RASA2: variants seen among roughly 807,000 people sequenced by gnomAD.
RASA2 encodes RAS p21 protein activator 2.
Under a neutral mutation model 118.2 loss-of-function variants are expected in RASA2, and 155 were observed. The observed-to-expected ratio is 1.31, with a 90% CI of 1.15 to 1.50. The LOEUF is 1.50. Ranked by LOEUF, RASA2 falls within the 40% of genes most tolerant of loss-of-function variation. RASA2 has a pLI of 0.00. For missense variants in RASA2, 1,016 were observed against 1,009.6 expected, an observed-to-expected ratio of 1.01 and a Z score of -0.09; for synonymous variants, 353 against 349.1, an observed-to-expected ratio of 1.01 and a Z score of -0.12.
chr3:141,509,904 G>A (rs1165550738), intron 1 of RASA2, among the ~76,000 whole-genome samples: 1 of 152,186 alleles, frequency 6.6e-6, no homozygotes, highest in Non-Finnish European at 1.5e-5. Flanking sequence ...CATTTAAAAG[G>A]TGAGATTCCT....
At chr3:141,514,695 G>A (rs925002454) in intron 2 of RASA2, among the ~76,000 whole-genome samples, 1 of 152,150 alleles carries the variant, frequency 6.6e-6, no homozygotes, top group Non-Finnish European at 1.5e-5. Context: ...GTAATCAAAA[G>A]CATGTGTCTA....
rs546923408 is a variant in RASA2, at chr3:141,540,495, A to G, written c.451-38A>G. ...CATACCTTTAATATTTTGTCAGTAA[A>G]ATAGACTACTCAGTTTGTAATCTTT... On this transcript the variant is annotated intron_variant, in intron 4 of 23. Transcript: ENST00000286364. 103 of 1,521,212 alleles carry G rather than the reference A, an allele frequency of 6.8e-5. No homozygotes were observed. The South Asian group carries it at 1.1e-3, about 16-fold the overall frequency. 94.2% of individuals were successfully genotyped at this position (1,521,212 alleles called of 1,614,324 possible). A position where few individuals can be genotyped will look rare whatever the true frequency, so the allele number is the denominator to read the frequency against.
At chr3:141,604,221 T>C (rs1316771427) in intron 19 of RASA2, among the ~76,000 whole-genome samples, 1 of 152,202 alleles carries the variant, frequency 6.6e-6, no homozygotes, top group Non-Finnish European at 1.5e-5. Flanking sequence ...GTGATTACCA[T>C]TACTACTACT....
chr3:141,514,899 C>T (rs1000384326), intron 2 of RASA2, among the ~76,000 whole-genome samples: 1 of 152,164 alleles, frequency 6.6e-6, no homozygotes, highest in African/African-American at 2.4e-5. Context: ...ATGAACAAAG[C>T]TGGACATGAG....
chr3:141,540,682 T>G, intron 5 of RASA2, 73 bp downstream of exon 5: 1 of 1,313,942 alleles, frequency 7.6e-7, no homozygotes, highest in Non-Finnish European at 1.1e-6. Context: ...TTAAGCCAAC[T>G]CCTTGTTTTA....
chr3:141,579,156 A>G (rs935338807), intron 15 of RASA2, among the ~76,000 whole-genome samples: 3 of 152,186 alleles, frequency 2.0e-5, no homozygotes, highest in Admixed American at 6.5e-5. Context: ...AATGGGAGCC[A>G]AAAATCAAAC....
chr3:141,610,743 G>T (rs1441527283), intron 23 of RASA2, among the ~76,000 whole-genome samples: 3 of 151,698 alleles, frequency 2.0e-5, no homozygotes, highest in African/African-American at 4.8e-5. Context: ...CTCCTGCCTC[G>T]TCTCTCAAAG....
chr3:141,522,665 A>AT (rs1215065024), intron 3 of RASA2, among the ~76,000 whole-genome samples: 5 of 152,124 alleles, frequency 3.3e-5, no homozygotes, highest in African/African-American at 1.2e-4. Flanking sequence ...ATCTGGAGAC[A>AT]TTCCTGCCAG....
At chr3:141,517,407 G>A (rs747911203) in intron 3 of RASA2, among the ~76,000 whole-genome samples, 4 of 152,142 alleles carry the variant, frequency 2.6e-5, no homozygotes, top group Non-Finnish European at 5.9e-5. Context: ...ACCTACATGA[G>A]TGAAAGGCAA....
chr3:141,497,412 A>G (rs917283512), intron 1 of RASA2, among the ~76,000 whole-genome samples: 1 of 151,838 alleles, frequency 6.6e-6, no homozygotes, highest in African/African-American at 2.4e-5. Flanking sequence ...AAAAGTAACT[A>G]TTTATATAAA....
At chr3:141,540,167 T>G (rs2082386285) in intron 4 of RASA2, among the ~76,000 whole-genome samples, 1 of 152,186 alleles carries the variant, frequency 6.6e-6, no homozygotes, top group African/African-American at 2.4e-5. Context: ...GCTTCTGTCC[T>G]TAATGCTGGT....
At chr3:141,570,419 C>T (rs2082899750) in intron 9 of RASA2, among the ~76,000 whole-genome samples, 1 of 152,076 alleles carries the variant, frequency 6.6e-6, no homozygotes, top group Non-Finnish European at 1.5e-5. Flanking sequence ...AGGGTTTCAC[C>T]ATGGTGGCCA....
At position 141,610,894 on chromosome 3, in the gene RASA2, A is replaced by G. The variant is rs145099726; in HGVS notation, c.2519+828A>G. Among the ~76,000 whole-genome samples, 677 of 150,752 alleles carry G rather than the reference A, an allele frequency of 4.5e-3. 5 individuals are homozygous for G. The highest frequency in any genetic ancestry group is 0.023 in the South Asian group (110 of 4,822). On this transcript the variant is annotated intron_variant, in intron 23 of 23. Transcript: ENST00000286364. Reference sequence around the variant, plus strand: ...ACTGATCCTCCTTCTACAGTACATAATAAGAATTCACAAAACTCACCCCCA... The same window carrying G: ...ACTGATCCTCCTTCTACAGTACATAGTAAGAATTCACAAAACTCACCCCCA...
chr3:141,577,040 ATT>A lies in RASA2; in HGVS notation c.1526_1527del (p.Phe509SerfsTer27). The A allele has an allele frequency of 6.2e-7, 1 of 1,611,630 alleles. No homozygotes were observed. On this transcript the variant is annotated frameshift_variant, in exon 15 of 24. Coordinates refer to ENST00000286364, the MANE Select transcript of RASA2 (RefSeq NM_006506.5). LOFTEE classifies it high-confidence loss of function. The part of the protein sequence containing the change: ...VQYSAVSSFV[F>X]LRFFAVAVVS... ...AGTATTCTGCAGTGAGCAGCTTTGT[ATT>A]TCTTCGTTTCTTTGCTGTAGCCGTA...
intron 18 of RASA2, 31 bp from the exon 19 acceptor site, chr3:141,586,615 A>G: frequency 6.9e-6 from 10 of 1,450,480 alleles, no homozygotes; most frequent in Non-Finnish European, 8.6e-6. Context: ...TAATTTTTAT[A>G]GCTAAATGTT....
chr3:141,555,303 T>C (rs1287533526), intron 6 of RASA2, among the ~76,000 whole-genome samples: 2 of 152,182 alleles, frequency 1.3e-5, no homozygotes, highest in African/African-American at 4.8e-5. Context: ...GTTTTGCTAT[T>C]GTACTGTAGT....
intron 4 of RASA2, among the ~76,000 whole-genome samples, chr3:141,536,433 GAC>G (rs1027493751): frequency 6.6e-6 from 1 of 152,038 alleles, no homozygotes; most frequent in Admixed American, 6.6e-5. Flanking sequence ...ATTTGGTGGG[GAC>G]ACAGCCAAAC....
intron 11 of RASA2, among the ~76,000 whole-genome samples, chr3:141,572,020 T>C (rs1184892132): frequency 3.3e-5 from 4 of 122,246 alleles, no homozygotes; most frequent in Non-Finnish European, 5.0e-5. Flanking sequence ...ATTTGCCTTT[T>C]TAAAAAAACA....
In RASA2 at chr3:141,516,398, G is replaced by T; in HGVS notation, c.322G>T (p.Asp108Tyr). The T allele has an allele frequency of 6.4e-7, 1 of 1,557,110 alleles. No individual in the cohort carries two copies. Among genetic ancestry groups the T allele is most frequent in the South Asian group, 1.2e-5 (1 of 80,892 alleles). ...CCAGTATTTGTCTTTCTATGTTTAT[G>T]ATAAGAATGTTTTACAAAGAGATCT... ...TFQYLSFYVY[D>Y]KNVLQRDLRI... The change falls in exon 3 of 24, where the codon GAT becomes TAT. Residue 108 changes from aspartate (D) to tyrosine (Y), a missense_variant. Asp to Tyr is a radical substitution (Grantham distance 160). Around this residue, in one of 2 missense-constraint regions of RASA2, gnomAD observed 896 missense variants for 836.4 expected, o/e 1.07. Coordinates refer to ENST00000286364, the MANE Select transcript of RASA2 (RefSeq NM_006506.5).
Sources: allele counts gnomAD v4.1 joint callset (sites outside exome capture counted in the v4.1 genomes callset), GRCh38; gene constraint gnomAD v4.1.1; regional missense constraint gnomAD v4.1.1; transcripts MANE v1.5; gene names NCBI Gene and HGNC (gene_info 2026-07-23, HGNC 2026-07-21).